The following KIAA1549L variants were observed in gnomAD, a reference collection of about 807,000 sequenced individuals.
The protein encoded by KIAA1549L is UPF0606 protein KIAA1549L.
KIAA1549L carries 88 observed loss-of-function variants against 160.7 expected under a neutral mutation model. The observed-to-expected ratio is 0.55, with a 90% CI of 0.46 to 0.65. The LOEUF is 0.65. Among genes scored for constraint, KIAA1549L ranks in the 30% least tolerant of loss-of-function variants. The pLI, the probability that KIAA1549L is intolerant of heterozygous loss-of-function variation, is 0.00. For missense variants in KIAA1549L, 2,258 were observed against 2,437.5 expected, an observed-to-expected ratio of 0.93 and a Z score of 1.55; for synonymous variants, 950 against 976.7, an observed-to-expected ratio of 0.97 and a Z score of 0.51.
At chr11:33,662,261 A>G (rs556984764) in intron 20 of KIAA1549L, among the ~76,000 whole-genome samples, 1 of 152,152 alleles carries the variant, frequency 6.6e-6, no homozygotes, top group Non-Finnish European at 1.5e-5. Context: ...TGGCCACTCA[A>G]TATTGCTGTT....
At chr11:33,547,649 G>A in intron 3 of KIAA1549L, 115 bp from the exon 4 acceptor site, 1 of 674,260 alleles carries the variant, frequency 1.5e-6, no homozygotes, top group South Asian at 1.8e-5. Context: ...ATGGCCCTGT[G>A]CTTACCGGCT....
intron 1 of KIAA1549L, among the ~76,000 whole-genome samples, chr11:33,415,847 T>C (rs1850877001): frequency 6.6e-6 from 1 of 152,138 alleles, no homozygotes; most frequent in Admixed American, 6.5e-5. Flanking sequence ...TCTTGTTGCC[T>C]AGGTTGGAGT....
intron 9 of KIAA1549L, among the ~76,000 whole-genome samples, chr11:33,570,423 T>C (rs1001253424): frequency 2.7e-5 from 4 of 150,256 alleles, no homozygotes; most frequent in South Asian, 2.1e-4. Flanking sequence ...TAGATCACCT[T>C]GTAACATACC....
rs114218597 is a variant in KIAA1549L, at chr11:33,501,285, T to C, written c.239-40517T>C. Among the ~76,000 whole-genome samples, 759 of 152,354 alleles carry C rather than the reference T, an allele frequency of 5.0e-3. 10 individuals are homozygous for C. The highest frequency in any genetic ancestry group is 0.018 in the African/African-American group (732 of 41,596). ...TAGAAATCAAATGGCTACAAATACATTTTAAGATCAATCCCTTGTTCTCCA... is the reference window on the plus strand; with the variant it reads ...TAGAAATCAAATGGCTACAAATACACTTTAAGATCAATCCCTTGTTCTCCA... On this transcript the variant is annotated intron_variant, in intron 1 of 20. Coordinates refer to ENST00000658780, the MANE Select transcript of KIAA1549L (RefSeq NM_012194.3).
In KIAA1549L at chr11:33,533,795, G is replaced by A. The variant is rs114123833; in HGVS notation, c.239-8007G>A. ...ATTTTAACTTTTTATTATTTTGAGAGTCTTTATCTTGCTTGCTTTCACCCT... is the reference window on the plus strand; with the variant it reads ...ATTTTAACTTTTTATTATTTTGAGAATCTTTATCTTGCTTGCTTTCACCCT... On this transcript the variant is annotated intron_variant, in intron 1 of 20. Coordinates refer to ENST00000658780, the MANE Select transcript of KIAA1549L (RefSeq NM_012194.3). Among the ~76,000 whole-genome samples, 171 of 152,284 alleles carry A rather than the reference G, an allele frequency of 1.1e-3. 2 individuals carry two copies. The highest frequency in any genetic ancestry group is 4.0e-3 in the African/African-American group (165 of 41,558).
intron 1 of KIAA1549L, among the ~76,000 whole-genome samples, chr11:33,467,731 A>G (rs148899570): frequency 6.6e-6 from 1 of 152,216 alleles, no homozygotes; most frequent in Admixed American, 6.5e-5. Flanking sequence ...CTGTGAGCTG[A>G]TAGAGGATGG....
At chr11:33,577,681 G>C (rs1223622449) in intron 10 of KIAA1549L, among the ~76,000 whole-genome samples, 1 of 152,146 alleles carries the variant, frequency 6.6e-6, no homozygotes, top group African/African-American at 2.4e-5. Context: ...TTCAGCTGGG[G>C]TGTGTGGTAA....
At chr11:33,486,193 G>A (rs533172322) in intron 1 of KIAA1549L, among the ~76,000 whole-genome samples, 3 of 152,190 alleles carry the variant, frequency 2.0e-5, no homozygotes, top group South Asian at 2.1e-4. Flanking sequence ...AACGACGAGA[G>A]GTAAATATTG....
chr11:33,593,699 G>T (rs187525788), intron 12 of KIAA1549L, among the ~76,000 whole-genome samples: 33 of 152,320 alleles, frequency 2.2e-4, no homozygotes, highest in African/African-American at 7.9e-4. Flanking sequence ...CATTTATTGT[G>T]TTGGGGGATA....
chr11:33,428,823 G>C (rs1336455254), intron 1 of KIAA1549L, among the ~76,000 whole-genome samples: 2 of 152,146 alleles, frequency 1.3e-5, no homozygotes, highest in African/African-American at 2.4e-5. Flanking sequence ...CCCAGTAGTG[G>C]GATCGCTGGG....
intron 16 of KIAA1549L, among the ~76,000 whole-genome samples, chr11:33,643,932 C>T (rs759739265): frequency 3.9e-5 from 6 of 152,224 alleles, no homozygotes; most frequent in Non-Finnish European, 8.8e-5. Flanking sequence ...ATTTCCCACT[C>T]AGCGACCTTA....
At chr11:33,550,251 T>C (rs547554949) in intron 4 of KIAA1549L, among the ~76,000 whole-genome samples, 2 of 152,152 alleles carry the variant, frequency 1.3e-5, no homozygotes, top group East Asian at 1.9e-4. Context: ...TGCATACATA[T>C]ACGTATGTGT....
Position 33,645,989 on chromosome 11 carries a change from G to T in KIAA1549L, c.5713G>T (p.Val1905Leu). 1 of 1,608,334 alleles carries T rather than the reference G, an allele frequency of 6.2e-7. No homozygotes were observed. The highest frequency in any genetic ancestry group is 8.5e-7 in the Non-Finnish European group (1 of 1,177,458). ...MTRPRAGVQW[V>L]PTYRPEMYQY... ...GCGGCCCAGGGCCGGGGTGCAGTGG[G>T]TGCCGACCTACCGCCCAGAAATGTA... The change falls in exon 17 of 21, where the codon GTG becomes TTG. Residue 1905 changes from valine to leucine, a missense_variant. Physicochemically the swap from Val to Leu is conservative, Grantham distance 32. Around this residue, in one of 6 missense-constraint regions of KIAA1549L, gnomAD observed 1,359 missense variants for 1,546.6 expected, o/e 0.88. Transcript: ENST00000658780.
Position 33,618,449 on chromosome 11 carries a change from T to C in KIAA1549L, c.5280-84T>C, listed in dbSNP as rs1850876764. On this transcript the variant is annotated intron_variant, in intron 15 of 20. Coordinates refer to ENST00000658780, the MANE Select transcript of KIAA1549L (RefSeq NM_012194.3). Reference sequence around the variant, plus strand: ...TTGTGAGGCAAATCCAAACCCTTCATTGGTTGCCTGTACTTTGGATCAGTG... The same window carrying C: ...TTGTGAGGCAAATCCAAACCCTTCACTGGTTGCCTGTACTTTGGATCAGTG... The C allele has an allele frequency of 3.9e-6, 5 of 1,290,748 alleles. No homozygotes were observed. The South Asian group carries it at 6.6e-5, about 17-fold the overall frequency. 80.0% of individuals were successfully genotyped at this position (1,290,748 alleles called of 1,614,324 possible).
chr11:33,454,787 A>C (rs1233393313), intron 1 of KIAA1549L, among the ~76,000 whole-genome samples: 1 of 152,210 alleles, frequency 6.6e-6, no homozygotes, highest in Non-Finnish European at 1.5e-5. Flanking sequence ...CTTCAAAATA[A>C]GTTTTAAAAA....
intron 1 of KIAA1549L, among the ~76,000 whole-genome samples, chr11:33,476,922 C>T (rs10836066): frequency 0.27 from 40,629 of 152,086 alleles, 5,783 homozygotes; most frequent in Middle Eastern, 0.39. Context: ...AGGCTTTGTG[C>T]GTTTTGTTTG....
At chr11:33,562,912 C>T (rs952436450) in intron 8 of KIAA1549L, among the ~76,000 whole-genome samples, 30 of 151,956 alleles carry the variant, frequency 2.0e-4, no homozygotes, top group Non-Finnish European at 3.7e-4. Context: ...AACTCCTGAC[C>T]TCAGCCGATC....
chr11:33,591,841 T>G (rs1331443880), intron 12 of KIAA1549L, among the ~76,000 whole-genome samples: 1 of 152,220 alleles, frequency 6.6e-6, no homozygotes, highest in African/African-American at 2.4e-5. Flanking sequence ...AAGACATCCC[T>G]TTAGGACTAC....
At chr11:33,663,242 A>G (rs565161776) in intron 20 of KIAA1549L, among the ~76,000 whole-genome samples, 52 of 152,180 alleles carry the variant, frequency 3.4e-4, no homozygotes, top group Non-Finnish European at 5.4e-4. Flanking sequence ...TGGACCTGGG[A>G]TAACAAATAG....
Sources: gnomAD v4.1 joint callset for allele counts (sites outside exome capture counted in the v4.1 genomes callset) on GRCh38, gnomAD v4.1.1 for gene constraint, gnomAD v4.1.1 regional missense constraint, MANE v1.5 for transcripts, NCBI Gene and HGNC (gene_info 2026-07-23, HGNC 2026-07-21) for gene names.